The following PFKFB3 variants were observed in gnomAD, a reference collection of about 807,000 sequenced individuals.
PFKFB3 encodes 6-phosphofructo-2-kinase/fructose-2,6-biphosphatase 3, also known as 6-phosphofructo-2-kinase/fructose-2,6-bisphosphatase 3.
PFKFB3 carries 33 observed loss-of-function variants against 68.0 expected under a neutral mutation model. That is an observed-to-expected ratio of 0.49 (90% CI 0.37 to 0.65). The LOEUF (loss-of-function observed/expected upper bound fraction) is 0.65, where lower values mean the gene tolerates loss of function less well. Among genes scored for constraint, PFKFB3 ranks in the 30% least tolerant of loss-of-function variants. PFKFB3 has a pLI of 0.00. For synonymous variants in PFKFB3, 315 were observed against 288.2 expected (o/e 1.09, Z -0.94); for missense variants, 586 against 712.2 (o/e 0.82, Z 2.02).
upstream of PFKFB3, among the ~76,000 whole-genome samples, chr10:6,201,071 A>G (rs1181862893): frequency 6.6e-6 from 1 of 151,944 alleles, no homozygotes; most frequent in East Asian, 1.9e-4. This position sits in a 1 kb window ranked among gnomAD's most constrained non-coding sequence, Gnocchi z 4.1. Context: ...GCGCAGGTGC[A>G]CCGTCATTCC....
At chr10:6,308,176 C>T in the PFKFB3 span, among the ~76,000 whole-genome samples, 1 of 152,206 alleles carries the variant, frequency 6.6e-6, no homozygotes, top group African/African-American at 2.4e-5. Context: ...AAGCCACTGA[C>T]TTCAAAACAG....
rs1335902118 is a variant in PFKFB3 at position 6,154,934 on chromosome 10, G to A, written c.16+9921G>A. Reference sequence around the variant, plus strand: ...CCTGTCCTTGGTAGAGGCTGTGAGTGGCCCGTAGGAGGTCATGGTGACCTC... The same window carrying A: ...CCTGTCCTTGGTAGAGGCTGTGAGTAGCCCGTAGGAGGTCATGGTGACCTC... On this transcript the variant is annotated intron_variant, in intron 1 of 14. Coordinates refer to the PFKFB3 transcript ENST00000379789. The surrounding 1 kb of genome is among the most constrained non-coding windows in gnomAD (Gnocchi z 4.6). Among the ~76,000 whole-genome samples the A allele has an allele frequency of 6.6e-6, 1 of 152,196 alleles. No individual in the cohort carries two copies. Among genetic ancestry groups the A allele is most frequent in the Non-Finnish European group, 1.5e-5 (1 of 68,024 alleles).
intron 13 of PFKFB3, among the ~76,000 whole-genome samples, chr10:6,225,004 C>T (rs1845238099): frequency 6.6e-6 from 1 of 151,854 alleles, no homozygotes; most frequent in South Asian, 2.1e-4. Context: ...TGGGGAGGCG[C>T]TTCAGGAGAC....
intron 1 of PFKFB3, among the ~76,000 whole-genome samples, chr10:6,186,495 C>T (rs1247290911): frequency 6.6e-6 from 1 of 152,224 alleles, no homozygotes; most frequent in African/African-American, 2.4e-5. Context: ...GTGAAATTCA[C>T]CTTCACCTTT....
intron 1 of PFKFB3, among the ~76,000 whole-genome samples, chr10:6,206,843 TGGC>T (rs1843782674): frequency 6.8e-5 from 1 of 14,750 alleles, no homozygotes; most frequent in Admixed American, 6.9e-4. Flanking sequence ...CCAGACGGGG[TGGC>T]GGCCGGGCAG....
rs1180955119 is a variant in PFKFB3 at position 6,221,378 on chromosome 10, C to T, written c.832-3C>T. On this transcript the variant is annotated splice_region_variant and splice_polypyrimidine_tract_variant and intron_variant, in intron 8 of 14. Coordinates refer to ENST00000379775, the MANE Select transcript of PFKFB3 (RefSeq NM_004566.4). ...TCAGTGGTCCCCCTCCACCACCTCT[C>T]AGTTTGCCAGTGCTCTGAGCAAGTT... The T allele has an allele frequency of 6.2e-7, 1 of 1,613,728 alleles. No individual in the cohort carries two copies. The highest frequency in any genetic ancestry group is 8.5e-7 in the Non-Finnish European group (1 of 1,179,952).
chr10:6,187,279 T>C (rs1686278751), intron 1 of PFKFB3, among the ~76,000 whole-genome samples: 1 of 151,866 alleles, frequency 6.6e-6, no homozygotes. Flanking sequence ...GAGAATTGCT[T>C]GAACCAGGGA....
the PFKFB3 span, among the ~76,000 whole-genome samples, chr10:6,286,135 G>A: frequency 2.6e-5 from 4 of 151,632 alleles, no homozygotes; most frequent in South Asian, 4.2e-4. Context: ...CCACCACCAC[G>A]TCTGGCTATT....
chr10:6,236,717 T>G (rs1360607899), downstream of PFKFB3, among the ~76,000 whole-genome samples: 1 of 152,216 alleles, frequency 6.6e-6, no homozygotes, highest in East Asian at 1.9e-4. Flanking sequence ...TGGCCTAGCC[T>G]TTCAGGCTGA....
At chr10:6,310,960 A>G in the PFKFB3 span, among the ~76,000 whole-genome samples, 1 of 152,226 alleles carries the variant, frequency 6.6e-6, no homozygotes, top group Non-Finnish European at 1.5e-5. Flanking sequence ...GCTGTGAGGT[A>G]GCAGGTCAAT....
chr10:6,255,839 G>A (rs1192863362), downstream of PFKFB3, among the ~76,000 whole-genome samples: 1 of 152,202 alleles, frequency 6.6e-6, no homozygotes. Context: ...CAGCCTCACC[G>A]TGTGCGGGAG....
At position 6,215,506 on chromosome 10, in the gene PFKFB3, CTG is replaced by C. The variant is rs200247865; in HGVS notation, c.299+191_299+192del. On this transcript the variant is annotated intron_variant, in intron 3 of 14. Coordinates refer to ENST00000379775, the MANE Select transcript of PFKFB3 (RefSeq NM_004566.4). The surrounding 1 kb of genome is among the most constrained non-coding windows in gnomAD (Gnocchi z 4.3). Reference sequence around the variant, plus strand: ...GGCTTGCTTTGTTCTGAGCCAGGCTCTGTAGGAGGCAGAGAAAGCCGGCCTGC... The same window carrying C: ...GGCTTGCTTTGTTCTGAGCCAGGCTCTAGGAGGCAGAGAAAGCCGGCCTGC... Among the ~76,000 whole-genome samples the C allele has an allele frequency of 0.011, 1,721 of 152,182 alleles. 22 individuals carry two copies. The highest frequency in any genetic ancestry group is 0.04 in the South Asian group (194 of 4,822).
intron 14 of PFKFB3, among the ~76,000 whole-genome samples, chr10:6,232,176 C>T (rs968030062): frequency 1.2e-4 from 17 of 145,088 alleles, no homozygotes; most frequent in African/African-American, 3.3e-4. Flanking sequence ...AAGCAGGTCA[C>T]GGAAGGAGGC....
intron 1 of PFKFB3, among the ~76,000 whole-genome samples, chr10:6,168,102 T>G (rs796328306): frequency 6.6e-6 from 1 of 152,188 alleles, no homozygotes; most frequent in East Asian, 1.9e-4. Context: ...TTAAATCACA[T>G]TGTCTTCTTT....
In PFKFB3 at chr10:6,228,278, G is replaced by A. The variant is rs1845491869; in HGVS notation, c.1515+1913G>A. The A allele has an allele frequency of 1.3e-6, 2 of 1,591,736 alleles. No homozygotes were observed. The highest frequency in any genetic ancestry group is 4.5e-5 in the East Asian group (2 of 44,782). ...CTGCTTTCTTCCTGCTTGCTCATTT[G>A]GCCTCCTGCCTGTTAAAATATTGAG... On this transcript the variant is annotated intron_variant, in intron 14 of 14. Transcript: ENST00000379775. The surrounding 1 kb of genome is among the most constrained non-coding windows in gnomAD (Gnocchi z 4.5).
intron 14 of PFKFB3, among the ~76,000 whole-genome samples, chr10:6,247,370 G>T (rs962626300): frequency 2.1e-4 from 32 of 152,224 alleles, no homozygotes; most frequent in African/African-American, 7.5e-4. Context: ...CTCTTCTTGT[G>T]GGGAAGAAAA....
At chr10:6,172,970 G>T (rs1056394692) in intron 1 of PFKFB3, among the ~76,000 whole-genome samples, 7 of 152,150 alleles carry the variant, frequency 4.6e-5, no homozygotes, top group Admixed American at 4.6e-4. Flanking sequence ...TTCACCTCCT[G>T]TTAGGCCAGC....
chr10:6,311,527 TC>T, the PFKFB3 span, among the ~76,000 whole-genome samples: 14 of 152,160 alleles, frequency 9.2e-5, no homozygotes, highest in African/African-American at 3.1e-4. Flanking sequence ...GGCAGGCGAA[TC>T]ACTTGAGGTC....
At position 6,218,267 on chromosome 10, in the gene PFKFB3, C is replaced by T. The variant is rs555905220; in HGVS notation, c.498+1076C>T. On this transcript the variant is annotated intron_variant, in intron 6 of 14. Transcript: ENST00000379775. The stretch of plus-strand genomic sequence containing the variant: ...TTGTCCACTAGCAGATAATCATTTG[C>T]CCCAACCCACCATGTTCAGAAATCT... 4.6e-5 allele frequency among the ~76,000 whole-genome samples: 7 copies of T among 152,234 alleles called. No individual in the cohort carries two copies. In the South Asian group the frequency reaches 1.5e-3, roughly 32 times the overall value.
Sources: gnomAD v4.1 joint callset for allele counts (sites outside exome capture counted in the v4.1 genomes callset) on GRCh38, gnomAD v4.1.1 for gene constraint, Gnocchi (gnomAD v3.1) non-coding constraint, MANE v1.5 for transcripts, NCBI Gene and HGNC (gene_info 2026-07-23, HGNC 2026-07-21) for gene names.